USP34: variants seen among roughly 807,000 people sequenced by gnomAD.
The protein encoded by USP34 is ubiquitin specific peptidase 34, also known as ubiquitin carboxyl-terminal hydrolase 34.
Under a neutral mutation model 460.3 loss-of-function variants are expected in USP34, and 70 were observed. That is an observed-to-expected ratio of 0.15 (90% CI 0.13 to 0.19). The LOEUF is 0.19. Among genes scored for constraint, USP34 ranks in the 10% least tolerant of loss-of-function variants. The pLI is 1.00. For synonymous variants in USP34, 1,647 were observed against 1,405.3 expected (o/e 1.17, Z -3.85); for missense variants, 3,985 against 4,236.2 (o/e 0.94, Z 1.65).
intron 10 of USP34, among the ~76,000 whole-genome samples, chr2:61,369,761 A>C (rs930097975): frequency 7.9e-5 from 12 of 151,410 alleles, no homozygotes; most frequent in Admixed American, 2.6e-4. Context: ...TAAATTAAGA[A>C]AGAAAAAAAA....
At chr2:61,363,039 G>T (rs1169873614) in intron 10 of USP34, among the ~76,000 whole-genome samples, 1 of 151,922 alleles carries the variant, frequency 6.6e-6, no homozygotes, top group Admixed American at 6.6e-5. Context: ...ATCAAAAATG[G>T]GCAAAAGACA....
At chr2:61,231,497 G>C (rs771882710) in intron 58 of USP34, among the ~76,000 whole-genome samples, 9 of 152,180 alleles carry the variant, frequency 5.9e-5, no homozygotes, top group Non-Finnish European at 1.3e-4. Flanking sequence ...AGGACTGCCT[G>C]ATCCCAGGAA....
chr2:61,376,100 G>A (rs1558558092), intron 8 of USP34, among the ~76,000 whole-genome samples: 2 of 152,126 alleles, frequency 1.3e-5, no homozygotes, highest in Admixed American at 6.5e-5. Context: ...TTTTTTAAGT[G>A]ATGGAAATGT....
intron 1 of USP34, among the ~76,000 whole-genome samples, chr2:61,464,310 C>T (rs779050887): frequency 2.4e-4 from 37 of 152,200 alleles, no homozygotes; most frequent in Non-Finnish European, 3.7e-4. Context: ...CAGAGTGAGA[C>T]TCCGTCTCAA....
At chr2:61,380,077 C>G (rs1692926510) in intron 7 of USP34, 92 bp downstream of exon 7, 1 of 1,049,636 alleles carries the variant, frequency 9.5e-7, no homozygotes, top group Non-Finnish European at 1.4e-6. Flanking sequence ...AGCACAATGC[C>G]TAGTATGAAG....
intron 10 of USP34, among the ~76,000 whole-genome samples, chr2:61,360,772 C>T (rs1344770271): frequency 6.6e-6 from 1 of 152,182 alleles, no homozygotes. Flanking sequence ...TCCTCCACCT[C>T]AGCCTCCCAA....
chr2:61,283,879 C>T (rs1689609584), intron 35 of USP34, among the ~76,000 whole-genome samples: 1 of 146,468 alleles, frequency 6.8e-6, no homozygotes, highest in Admixed American at 6.8e-5. Flanking sequence ...AAGAGTCAAA[C>T]TCATTGAAGA....
chr2:61,406,148 G>A lies in USP34; in HGVS notation c.132-20C>T, dbSNP rs966200369. ...CATTGCCTATAAGAGAAAAAAAATTGAATAAATTAGTAATAAAGCAGCAGC... is the reference window on the plus strand; with the variant it reads ...CATTGCCTATAAGAGAAAAAAAATTAAATAAATTAGTAATAAAGCAGCAGC... On this transcript the variant is annotated intron_variant, in intron 2 of 79. Coordinates refer to ENST00000398571, the MANE Select transcript of USP34 (RefSeq NM_014709.4). 4.7e-6 allele frequency: 7 copies of A among 1,483,280 alleles called. No individual in the cohort carries two copies. Among genetic ancestry groups the A allele is most frequent in the Non-Finnish European group, 6.3e-6 (7 of 1,115,574 alleles). 91.9% of individuals were successfully genotyped at this position (1,483,280 alleles called of 1,614,324 possible). A position where few individuals can be genotyped will look rare whatever the true frequency, so the allele number is the denominator to read the frequency against.
Position 61,406,066 on chromosome 2 carries a change from G to A in USP34, c.194C>T (p.Ala65Val), listed in dbSNP as rs778714076. The change falls in exon 3 of 80, where the codon GCA (alanine) becomes GTA (valine). Residue 65 changes from alanine to valine, a missense_variant. Physicochemically the swap from Ala to Val is moderately conservative, Grantham distance 64. Around this residue, in one of 14 missense-constraint regions of USP34, gnomAD observed 331 missense variants for 293.7 expected, o/e 1.13. Transcript: ENST00000398571. Reference sequence around the variant, plus strand: ...TTGGGCAATCACTAAGTTAATAAGTGCACACACTACTTGATTAAAAATCTC... The same window carrying A: ...TTGGGCAATCACTAAGTTAATAAGTACACACACTACTTGATTAAAAATCTC... ...HLEIFNQVVC[A>V]LINLVIAQVQ... 2.5e-6 allele frequency: 4 copies of A among 1,613,462 alleles called. No individual in the cohort carries two copies. Among genetic ancestry groups the A allele is most frequent in the East Asian group, 2.2e-5 (1 of 44,820 alleles).
intron 44 of USP34, among the ~76,000 whole-genome samples, chr2:61,257,867 A>C (rs1688762227): frequency 6.6e-6 from 1 of 152,198 alleles, no homozygotes; most frequent in African/African-American, 2.4e-5. Flanking sequence ...GCAAGACTCC[A>C]TCTCCAAAAA....
At position 61,348,248 on chromosome 2, in the gene USP34, C is replaced by G; in HGVS notation, c.1907G>C (p.Ser636Thr). Residue 636 changes from serine (S) to threonine (T), a missense_variant, in exon 15 of 80, where the codon AGC becomes ACC. Physicochemically the swap from Ser to Thr is moderately conservative, Grantham distance 58. Transcript: ENST00000398571. ...DDDHGHNPPK[S>T]SCGTDLRNRK... Reference sequence around the variant, plus strand: ...ATTCCGAAGATCTGTACCACAACTGCTTTTGGGAGGATTATGACCATGATC... The same window carrying G: ...ATTCCGAAGATCTGTACCACAACTGGTTTTGGGAGGATTATGACCATGATC... 6.2e-7 allele frequency: 1 copy of G among 1,614,214 alleles called. No individual in the cohort carries two copies. Among genetic ancestry groups the G allele is most frequent in the Non-Finnish European group, 8.5e-7 (1 of 1,180,020 alleles).
chr2:61,286,548 T>C lies in USP34; in HGVS notation c.4750-1591A>G, dbSNP rs569399619. Among the ~76,000 whole-genome samples the C allele has an allele frequency of 2.6e-5, 4 of 151,838 alleles. No homozygotes were observed. In the East Asian group the frequency reaches 7.7e-4, roughly 29 times the overall value. ...GCGTGTGCCTGTAATCCCAGCTACC[T>C]GGAGGCTGAGGTAGTAAAACCGCTT... On this transcript the variant is annotated intron_variant, in intron 34 of 79. Coordinates refer to ENST00000398571, the MANE Select transcript of USP34 (RefSeq NM_014709.4).
At chr2:61,403,748 G>A (rs1693786723) in intron 3 of USP34, among the ~76,000 whole-genome samples, 1 of 152,056 alleles carries the variant, frequency 6.6e-6, no homozygotes. Context: ...AGCACTTTGG[G>A]AGGCAGAAGC....
chr2:61,195,034 G>A (rs1686757935), intron 75 of USP34, among the ~76,000 whole-genome samples: 1 of 150,140 alleles, frequency 6.7e-6, no homozygotes, highest in South Asian at 2.1e-4. Flanking sequence ...CGAGGCAGGA[G>A]AATAATGAAA....
At chr2:61,233,652 G>A (rs983467144) in intron 57 of USP34, among the ~76,000 whole-genome samples, 1 of 151,852 alleles carries the variant, frequency 6.6e-6, no homozygotes, top group Non-Finnish European at 1.5e-5. Flanking sequence ...AAGAGACTCT[G>A]TCTCTATAAA....
intron 1 of USP34, among the ~76,000 whole-genome samples, chr2:61,452,120 G>A (rs1312841218): frequency 1.3e-5 from 2 of 150,642 alleles, no homozygotes; most frequent in Non-Finnish European, 1.5e-5. Flanking sequence ...CTTGCAGTGA[G>A]CCGAGATCAT....
At chr2:61,332,327 A>T (rs1691295069) in intron 19 of USP34, among the ~76,000 whole-genome samples, 2 of 152,072 alleles carry the variant, frequency 1.3e-5, no homozygotes, top group Non-Finnish European at 1.5e-5. Context: ...ACTGATGTCA[A>T]ATAACCACAG....
rs576523230 is a variant in USP34 at position 61,295,532 on chromosome 2, T to C, written c.4255-242A>G. On this transcript the variant is annotated intron_variant, in intron 30 of 79. Transcript: ENST00000398571. ...ATATACAAACAGCAGCATGGGAAAA[T>C]AATTAACTGTTAATCTTCCCAATTA... Among the ~76,000 whole-genome samples the C allele has an allele frequency of 4.6e-5, 7 of 152,262 alleles. No individual in the cohort carries two copies. The East Asian group carries it at 5.8e-4, about 13-fold the overall frequency.
intron 69 of USP34, among the ~76,000 whole-genome samples, chr2:61,209,336 G>C (rs1423465539): frequency 6.6e-6 from 1 of 152,108 alleles, no homozygotes; most frequent in African/African-American, 2.4e-5. Context: ...ACACTCATCA[G>C]CTGGTAATTA....
Sources: allele counts gnomAD v4.1 joint callset (sites outside exome capture counted in the v4.1 genomes callset), GRCh38; gene constraint gnomAD v4.1.1; regional missense constraint gnomAD v4.1.1; transcripts MANE v1.5; gene names NCBI Gene and HGNC (gene_info 2026-07-23, HGNC 2026-07-21).